The following NPSR1 variants were observed in gnomAD, a reference collection of about 807,000 sequenced individuals.
NPSR1 encodes neuropeptide S receptor.
In NPSR1, 48 loss-of-function variants were observed where a neutral mutation model predicts 46.9. The observed-to-expected ratio is 1.02, with a 90% confidence interval of 0.81 to 1.30. The LOEUF is 1.30. NPSR1 is among the 50% of genes most tolerant of loss of function. NPSR1 has a pLI of 0.00. For missense variants in NPSR1, 450 were observed against 449.5 expected (o/e 1.00, Z -0.01); for synonymous variants, 176 against 168.1 (o/e 1.05, Z -0.36).
chr7:34,740,925 C>T (rs969917789), intron 2 of NPSR1, among the ~76,000 whole-genome samples: 2 of 152,170 alleles, frequency 1.3e-5, no homozygotes, highest in Non-Finnish European at 2.9e-5. Flanking sequence ...GCCTCCTGTC[C>T]ACCGTGAGCC....
At chr7:34,811,732 C>T (rs1231483647) in intron 3 of NPSR1, 38 bp from the exon 4 acceptor site, 1 of 1,461,460 alleles carries the variant, frequency 6.8e-7, no homozygotes, top group East Asian at 2.3e-5. Flanking sequence ...TCCCTCACCT[C>T]TCTGAAGTCA....
intron 2 of NPSR1, among the ~76,000 whole-genome samples, chr7:34,704,592 A>T (rs752849059): frequency 6.6e-6 from 1 of 152,212 alleles, no homozygotes; most frequent in Non-Finnish European, 1.5e-5. Flanking sequence ...TTAAACAAAG[A>T]CCATCCAAAT....
chr7:34,827,174 G>A (rs2128756083), intron 4 of NPSR1, among the ~76,000 whole-genome samples: 1 of 152,296 alleles, frequency 6.6e-6, no homozygotes, highest in South Asian at 2.1e-4. Flanking sequence ...ACCAACCTTA[G>A]GCCAGGCAAT....
chr7:34,768,819 A>G (rs1786545271), intron 2 of NPSR1, among the ~76,000 whole-genome samples: 2 of 152,158 alleles, frequency 1.3e-5, no homozygotes, highest in African/African-American at 4.8e-5. Flanking sequence ...AGAGGATTCA[A>G]ATTTGAGATC....
At chr7:34,807,896 A>C (rs1229673151) in intron 3 of NPSR1, among the ~76,000 whole-genome samples, 115 of 133,228 alleles carry the variant, frequency 8.6e-4, no homozygotes, top group African/African-American at 2.0e-3. Flanking sequence ...CCTACCCCCC[A>C]CCACCACCAC....
At chr7:34,683,129 C>T (rs17169977) in intron 1 of NPSR1, among the ~76,000 whole-genome samples, 2,821 of 142,732 alleles carry the variant, frequency 0.02, 39 homozygotes, top group African/African-American at 0.043. Flanking sequence ...AAGTGTAGGA[C>T]TCATGAAGAT....
chr7:34,658,681 A>C, intron 1 of NPSR1, 122 bp downstream of exon 1: 1 of 1,055,334 alleles, frequency 9.5e-7, no homozygotes. Flanking sequence ...TTTACTAAAA[A>C]GGATTTTTAA....
rs559510510 is a variant in NPSR1 at position 34,684,746 on chromosome 7, T to C, written c.280+62T>C. The C allele has an allele frequency of 5.6e-5, 75 of 1,333,996 alleles. 1 individual carries two copies. The African/African-American group carries it at 1.3e-3, about 24-fold the overall frequency. The allele number at this position is 1,333,996 out of a possible 1,614,324, so 82.6% of individuals were successfully genotyped here. ...TGTGAAGTCCCTATGGCTTCCTGCT[T>C]TTAATGAATTTTATCAAAAAAAAAA... is the stretch of plus-strand genomic sequence containing the variant. On this transcript the variant is annotated intron_variant, in intron 2 of 8. Transcript: ENST00000360581.
rs1461836888 is a variant in NPSR1, at chr7:34,689,301, G to A, written c.280+4617G>A. On this transcript the variant is annotated intron_variant, in intron 2 of 8. Transcript: ENST00000360581. ...CACCTACTGGCCTGGAGGTTGAACT[G>A]CACAATACAATAAGAAATCTGGGGC... is the stretch of plus-strand genomic sequence containing the variant. 3.9e-5 allele frequency among the ~76,000 whole-genome samples: 6 copies of A among 152,260 alleles called. No homozygotes were observed. The South Asian group carries it at 1.0e-3, about 26-fold the overall frequency.
intron 8 of NPSR1, among the ~76,000 whole-genome samples, chr7:34,875,172 A>C (rs1791545795): frequency 6.6e-6 from 1 of 152,228 alleles, no homozygotes; most frequent in Admixed American, 6.5e-5. Flanking sequence ...TCTTCATGAC[A>C]ATGAAATTCA....
At chr7:34,876,180 C>A (rs557619647) in intron 8 of NPSR1, among the ~76,000 whole-genome samples, 1 of 152,188 alleles carries the variant, frequency 6.6e-6, no homozygotes, top group East Asian at 1.9e-4. Context: ...TGTACTGCAG[C>A]TTGGAAGGGA....
intron 4 of NPSR1, among the ~76,000 whole-genome samples, chr7:34,813,909 A>G (rs748802259): frequency 3.9e-5 from 6 of 152,246 alleles, no homozygotes; most frequent in Non-Finnish European, 8.8e-5. Flanking sequence ...AAAATACTAA[A>G]TTGTATACTT....
intron 2 of NPSR1, among the ~76,000 whole-genome samples, chr7:34,761,584 C>T (rs1215994940): frequency 6.6e-6 from 1 of 152,148 alleles, no homozygotes; most frequent in African/African-American, 2.4e-5. Flanking sequence ...TTACCACTTC[C>T]ATCTCAGCCT....
intron 8 of NPSR1, among the ~76,000 whole-genome samples, chr7:34,868,755 C>A (rs1791381609): frequency 6.6e-6 from 1 of 151,610 alleles, no homozygotes; most frequent in Non-Finnish European, 1.5e-5. Context: ...CATGGACTCC[C>A]GTTTAAACCC....
Position 34,827,612 on chromosome 7 carries a change from C to T in NPSR1, c.680+10C>T, listed in dbSNP as rs368557038. On this transcript the variant is annotated intron_variant, in intron 5 of 8. Transcript: ENST00000360581. The stretch of plus-strand genomic sequence containing the variant: ...CTCTGACAATCATCAGGTAAGAAGC[C>T]GTCAGGACAGGACCACACGGGGGGG... 18 of 1,026,328 alleles carry T rather than the reference C, an allele frequency of 1.8e-5. No homozygotes were observed. In the African/African-American group the frequency reaches 2.3e-4, roughly 13 times the overall value. 63.6% of individuals were successfully genotyped at this position (1,026,328 alleles called of 1,614,324 possible).
intron 4 of NPSR1, among the ~76,000 whole-genome samples, 160 bp from the exon 5 acceptor site, chr7:34,827,241 A>G (rs1285717323): frequency 2.0e-5 from 3 of 152,188 alleles, no homozygotes; most frequent in African/African-American, 7.2e-5. Flanking sequence ...ATGTATGGAG[A>G]TACTGTATCC....
At chr7:34,870,377 T>C (rs983238171) in intron 8 of NPSR1, among the ~76,000 whole-genome samples, 1 of 151,662 alleles carries the variant, frequency 6.6e-6, no homozygotes, top group African/African-American at 2.4e-5. Context: ...CAGGAAAAAA[T>C]ATGTATCTTA....
At chr7:34,835,921 T>A (rs547758456) in intron 6 of NPSR1, among the ~76,000 whole-genome samples, 3 of 152,288 alleles carry the variant, frequency 2.0e-5, no homozygotes, top group South Asian at 4.1e-4. Context: ...GAGTGGGGCA[T>A]GGATTTTATT....
chr7:34,684,404 A>C (rs1444983108), intron 1 of NPSR1, 148 bp from the exon 2 acceptor site: 6 of 702,972 alleles, frequency 8.5e-6, no homozygotes, highest in Non-Finnish European at 1.4e-5. Context: ...GTAAATGAAG[A>C]CCATTTTGTC....
Sources: gnomAD v4.1 joint callset for allele counts (sites outside exome capture counted in the v4.1 genomes callset) on GRCh38, gnomAD v4.1.1 for gene constraint, MANE v1.5 for transcripts, NCBI Gene and HGNC (gene_info 2026-07-23, HGNC 2026-07-21) for gene names.